Variants in DPP10 observed in about 807,000 individuals in gnomAD.
The protein encoded by DPP10 is inactive dipeptidyl peptidase 10.
In DPP10, 33 loss-of-function variants were observed where a neutral mutation model predicts 120.9. The ratio of observed to expected loss-of-function variants is 0.27; its 90% CI spans 0.21 to 0.37. The LOEUF (loss-of-function observed/expected upper bound fraction) is 0.37, where lower values mean the gene tolerates loss of function less well. Ranked by LOEUF, DPP10 falls within the 10% of genes least tolerant of loss-of-function variation. The probability of loss-of-function intolerance (pLI) is 1.00; values close to 1 mark genes in which losing one functional copy is unlikely to be tolerated. For synonymous variants in DPP10, 337 were observed against 326.1 expected (o/e 1.03, Z -0.36); for missense variants, 816 against 942.8 (o/e 0.87, Z 1.76).
chr2:114,578,880 T>C (rs536858954), intron 1 of DPP10, among the ~76,000 whole-genome samples: 2 of 152,284 alleles, frequency 1.3e-5, no homozygotes, highest in African/African-American at 4.8e-5. Flanking sequence ...GTTTGTACTT[T>C]TACATTTAAC....
intron 3 of DPP10, among the ~76,000 whole-genome samples, chr2:115,447,381 A>G (rs1474443616): frequency 6.6e-6 from 1 of 152,168 alleles, no homozygotes; most frequent in Non-Finnish European, 1.5e-5. Context: ...CTTTTGGGTT[A>G]CTGCTGGAAT....
At chr2:115,789,011 A>G (rs948132331) in intron 17 of DPP10, among the ~76,000 whole-genome samples, 1 of 151,972 alleles carries the variant, frequency 6.6e-6, no homozygotes. Context: ...CCAGCTATTC[A>G]GGAGGCTGAG....
At chr2:114,971,074 G>A (rs748067820) in intron 1 of DPP10, among the ~76,000 whole-genome samples, 3 of 152,160 alleles carry the variant, frequency 2.0e-5, no homozygotes, top group Non-Finnish European at 4.4e-5. Flanking sequence ...ATACCCGATT[G>A]AAATAAAAGA....
chr2:114,504,081 T>C (rs1376621113), intron 1 of DPP10, among the ~76,000 whole-genome samples: 1 of 152,216 alleles, frequency 6.6e-6, no homozygotes, highest in Non-Finnish European at 1.5e-5. Context: ...ACTGTCACAG[T>C]AAGTAGCTGT....
At chr2:115,404,943 G>T (rs956885121) in intron 3 of DPP10, among the ~76,000 whole-genome samples, 3 of 152,126 alleles carry the variant, frequency 2.0e-5, no homozygotes, top group African/African-American at 7.2e-5. Context: ...GGGGAACATG[G>T]TTCAACATGA....
chr2:115,750,870 T>C (rs1678616489), intron 10 of DPP10, among the ~76,000 whole-genome samples: 1 of 152,196 alleles, frequency 6.6e-6, no homozygotes, highest in African/African-American at 2.4e-5. Flanking sequence ...TGAGACCAAC[T>C]TTGAAAAGGA....
At position 114,509,203 on chromosome 2, in the gene DPP10, G is replaced by A. The variant is rs182102639; in HGVS notation, c.60+66365G>A. ...TGCCAGATGCTCTGAAAGTGTTCCA[G>A]GGAACTCTCTCTTTGGTTTGAACTA... On this transcript the variant is annotated intron_variant, in intron 1 of 25. Transcript: ENST00000410059. 2.5e-3 allele frequency among the ~76,000 whole-genome samples: 382 copies of A among 152,264 alleles called. 1 individual carries two copies. The highest frequency in any genetic ancestry group is 4.7e-3 in the Admixed American group (72 of 15,290).
rs576295162 is a variant in DPP10 at position 114,766,295 on chromosome 2, G to A, written c.60+323457G>A. Among the ~76,000 whole-genome samples, 27 of 152,088 alleles carry A rather than the reference G, an allele frequency of 1.8e-4. No individual in the cohort carries two copies. The South Asian group carries it at 4.1e-3, about 23-fold the overall frequency. On this transcript the variant is annotated intron_variant, in intron 1 of 25. Coordinates refer to ENST00000410059, the MANE Select transcript of DPP10 (RefSeq NM_020868.6). ...ATAAAAAATAAAAATAATACCAAAC[G>A]TTTTGCAAGGATTAAGAGACCCTGG...
At chr2:114,445,079 A>C (rs1677865232) in intron 1 of DPP10, among the ~76,000 whole-genome samples, 1 of 152,096 alleles carries the variant, frequency 6.6e-6, no homozygotes, top group African/African-American at 2.4e-5. Context: ...GAAAAACTCT[A>C]AGATGAGAGG....
At chr2:114,736,513 AAAAAT>A (rs571539590) in intron 1 of DPP10, among the ~76,000 whole-genome samples, 3 of 152,362 alleles carry the variant, frequency 2.0e-5, no homozygotes, top group Admixed American at 6.5e-5. Context: ...TATTGTTTAG[AAAAAT>A]AAAATAAAAC....
chr2:115,770,828 T>A (rs954892371), intron 13 of DPP10, among the ~76,000 whole-genome samples: 1 of 152,152 alleles, frequency 6.6e-6, no homozygotes, highest in Non-Finnish European at 1.5e-5. Flanking sequence ...ATTCTCACAC[T>A]TTTAATCCAT....
At chr2:114,497,287 A>ATGTACGTGTATACGTGTATG (rs1558813975) in intron 1 of DPP10, among the ~76,000 whole-genome samples, 5 of 51,156 alleles carry the variant, frequency 9.8e-5, no homozygotes, top group African/African-American at 3.4e-4. Flanking sequence ...ATACGTGTAT[A>ATGTACGTGTATACGTGTATG]CATGTACATG....
chr2:115,074,118 C>A (rs1707595260), intron 1 of DPP10, among the ~76,000 whole-genome samples: 2 of 152,048 alleles, frequency 1.3e-5, no homozygotes, highest in African/African-American at 4.8e-5. Flanking sequence ...TTCAAATGAT[C>A]CTCCTGCCTT....
chr2:115,125,146 T>C (rs2050010736), intron 1 of DPP10, among the ~76,000 whole-genome samples: 1 of 152,178 alleles, frequency 6.6e-6, no homozygotes, highest in South Asian at 2.1e-4. Context: ...TGTGCATTGC[T>C]GAAAGGGGTA....
chr2:115,803,013 C>G (rs1005796457), intron 19 of DPP10, among the ~76,000 whole-genome samples: 20 of 152,208 alleles, frequency 1.3e-4, no homozygotes, highest in Middle Eastern at 3.4e-3. Context: ...ATTGATCTGT[C>G]TAATGTTGAT....
intron 1 of DPP10, among the ~76,000 whole-genome samples, chr2:114,859,381 A>T (rs866351022): frequency 2.0e-5 from 3 of 151,578 alleles, no homozygotes; most frequent in Non-Finnish European, 2.9e-5. Context: ...AAAAAAAAAA[A>T]AGAGAAAGAA....
chr2:114,642,671 G>A (rs1695798798), intron 1 of DPP10, among the ~76,000 whole-genome samples: 1 of 151,590 alleles, frequency 6.6e-6, no homozygotes, highest in Non-Finnish European at 1.5e-5. Context: ...GGGGAGCACA[G>A]TGATGAAGTG....
chr2:114,686,040 T>C (rs946504162), intron 1 of DPP10, among the ~76,000 whole-genome samples: 1 of 151,918 alleles, frequency 6.6e-6, no homozygotes, highest in Admixed American at 6.6e-5. Context: ...CAGTTTCCAG[T>C]ATAGGACATG....
At chr2:115,169,686 A>G (rs964330094) in intron 1 of DPP10, among the ~76,000 whole-genome samples, 2 of 152,152 alleles carry the variant, frequency 1.3e-5, no homozygotes, top group Admixed American at 6.5e-5. Context: ...GGAACAGGTG[A>G]TATTATTTAG....
Sources: gnomAD v4.1 joint callset for allele counts (sites outside exome capture counted in the v4.1 genomes callset) on GRCh38, gnomAD v4.1.1 for gene constraint, MANE v1.5 for transcripts, NCBI Gene and HGNC (gene_info 2026-07-23, HGNC 2026-07-21) for gene names.